Variants in CDK6 observed in about 807,000 individuals in gnomAD.
CDK6 encodes the protein cyclin dependent kinase 6.
In CDK6, 6 loss-of-function variants were observed where a neutral mutation model predicts 37.1. That is an observed-to-expected ratio of 0.16 (90% confidence interval 0.09 to 0.32). The LOEUF (loss-of-function observed/expected upper bound fraction) is 0.32, where lower values mean the gene tolerates loss of function less well. Among genes scored for constraint, CDK6 ranks in the 10% least tolerant of loss-of-function variants. CDK6 has a pLI of 1.00. For synonymous variants in CDK6, 160 were observed against 161.3 expected, an observed-to-expected ratio of 0.99 and a Z score of 0.06; for missense variants, 224 against 418.9, an observed-to-expected ratio of 0.53 and a Z score of 4.06.
intron 3 of CDK6, among the ~76,000 whole-genome samples, chr7:92,748,517 G>A (rs1458045215): frequency 6.6e-6 from 1 of 152,152 alleles, no homozygotes; most frequent in Non-Finnish European, 1.5e-5. Flanking sequence ...ATAGAATGCT[G>A]AACTGTCTAC....
At chr7:92,666,591 C>T (rs776768107) in intron 5 of CDK6, among the ~76,000 whole-genome samples, 1 of 152,116 alleles carries the variant, frequency 6.6e-6, no homozygotes, top group Non-Finnish European at 1.5e-5. Flanking sequence ...CTCATAATAA[C>T]GTTTTGGTCA....
intron 4 of CDK6, among the ~76,000 whole-genome samples, chr7:92,704,747 C>T (rs1209096511): frequency 6.6e-6 from 1 of 152,038 alleles, no homozygotes; most frequent in East Asian, 1.9e-4. Context: ...TGTATATGAA[C>T]AGTTGGGTTG....
At chr7:92,818,819 ATATTCAACAACAT>A (rs1801093309) in intron 2 of CDK6, among the ~76,000 whole-genome samples, 1 of 152,094 alleles carries the variant, frequency 6.6e-6, no homozygotes, top group Non-Finnish European at 1.5e-5. Flanking sequence ...AAATGAAAAG[ATATTCAACAACAT>A]TAGTCATCAA....
chr7:92,666,858 T>C (rs1310979202), intron 5 of CDK6, among the ~76,000 whole-genome samples: 1 of 152,234 alleles, frequency 6.6e-6, no homozygotes, highest in Non-Finnish European at 1.5e-5. Flanking sequence ...TATTATACTT[T>C]TATCATTATT....
rs146414312 is a variant in CDK6 at position 92,724,043 on chromosome 7, G to A, written c.537+1583C>T. Among the ~76,000 whole-genome samples, 1,441 of 151,758 alleles carry A rather than the reference G, an allele frequency of 9.5e-3. 12 individuals are homozygous for A. The highest frequency in any genetic ancestry group is 0.024 in the Middle Eastern group (7 of 294). ...ACAGCTTATCCTTCCTTCAATTAAC[G>A]TACCCAAGGAGACAAGTTCCTTCCA... On this transcript the variant is annotated intron_variant, in intron 4 of 7. Transcript: ENST00000424848.
chr7:92,833,464 G>C lies in CDK6; in HGVS notation c.-141C>G, dbSNP rs1801550642. 1 of 604,950 alleles carries C rather than the reference G, an allele frequency of 1.7e-6. No individual in the cohort carries two copies. The highest frequency in any genetic ancestry group is 3.4e-5 in the Admixed American group (1 of 29,210). 37.5% of individuals were successfully genotyped at this position (604,950 alleles called of 1,614,324 possible). A position where few individuals can be genotyped will look rare whatever the true frequency, so the allele number is the denominator to read the frequency against. ...TTGCTCCCCGCCGGCTCAGGCGCTC[G>C]GGCGCTGGGGCTTTCGCCGCTGCAG... On this transcript the variant is annotated 5_prime_UTR_variant, in exon 2 of 8. Transcript: ENST00000424848. The surrounding 1 kb of genome is among the most constrained non-coding windows in gnomAD (Gnocchi z 6.1).
chr7:92,766,416 G>T (rs1209623852), intron 3 of CDK6, among the ~76,000 whole-genome samples: 3 of 152,154 alleles, frequency 2.0e-5, no homozygotes, highest in African/African-American at 4.8e-5. Context: ...CAAACAACTG[G>T]CAGATAGGGA....
At chr7:92,755,610 G>A (rs1299435149) in intron 3 of CDK6, among the ~76,000 whole-genome samples, 1 of 152,194 alleles carries the variant, frequency 6.6e-6, no homozygotes, top group African/African-American at 2.4e-5. Flanking sequence ...AAACCAAGGA[G>A]GTGGCATTTG....
chr7:92,808,993 AGAT>A (rs1019263189), intron 2 of CDK6, among the ~76,000 whole-genome samples: 3 of 152,194 alleles, frequency 2.0e-5, no homozygotes, highest in Admixed American at 6.5e-5. Flanking sequence ...GCCTCTGTAA[AGAT>A]GAAAACACAT....
At chr7:92,808,714 A>C (rs1800791365) in intron 2 of CDK6, among the ~76,000 whole-genome samples, 1 of 152,208 alleles carries the variant, frequency 6.6e-6, no homozygotes, top group Admixed American at 6.5e-5. Flanking sequence ...ATTTTGAGGT[A>C]GGGTGGTTAG....
intron 3 of CDK6, among the ~76,000 whole-genome samples, chr7:92,765,615 T>C (rs1799560021): frequency 1.3e-5 from 2 of 152,128 alleles, no homozygotes; most frequent in South Asian, 4.1e-4. Flanking sequence ...CATTTCTGAG[T>C]TAATTAGAAG....
intron 4 of CDK6, among the ~76,000 whole-genome samples, chr7:92,724,704 C>A (rs1244928824): frequency 6.6e-6 from 1 of 152,034 alleles, no homozygotes; most frequent in African/African-American, 2.4e-5. Flanking sequence ...CACTTTGAGG[C>A]TAAAGATGGA....
intron 5 of CDK6, among the ~76,000 whole-genome samples, chr7:92,627,879 T>TA (rs924624067): frequency 2.0e-5 from 3 of 150,906 alleles, no homozygotes; most frequent in East Asian, 3.9e-4. Flanking sequence ...AGGAGGAGGG[T>TA]AAAAAAACTG....
intron 5 of CDK6, 70 bp downstream of exon 5, chr7:92,671,356 C>T: frequency 2.1e-6 from 2 of 955,870 alleles, no homozygotes; most frequent in Non-Finnish European, 1.5e-6. Context: ...TGCCATGCTG[C>T]CACTCAAATT....
At chr7:92,752,038 G>T (rs1214932450) in intron 3 of CDK6, among the ~76,000 whole-genome samples, 2 of 152,148 alleles carry the variant, frequency 1.3e-5, no homozygotes, top group African/African-American at 4.8e-5. Context: ...ACAGTCTAAT[G>T]GGTTGTGCAA....
At chr7:92,700,868 G>A (rs1797826392) in intron 4 of CDK6, among the ~76,000 whole-genome samples, 1 of 152,256 alleles carries the variant, frequency 6.6e-6, no homozygotes, top group Admixed American at 6.5e-5. Flanking sequence ...GCATGTACCC[G>A]AAGATGCCAA....
rs1795472351 is a variant in CDK6 at position 92,608,171 on chromosome 7, C to A, written c.*6969G>T. The A allele has an allele frequency of 4.3e-6, 1 of 232,220 alleles. No homozygotes were observed. The highest frequency in any genetic ancestry group is 5.6e-5 in the Admixed American group (1 of 17,746). 14.4% of individuals were successfully genotyped at this position (232,220 alleles called of 1,614,324 possible). A position where few individuals can be genotyped will look rare whatever the true frequency, so the allele number is the denominator to read the frequency against. The stretch of plus-strand genomic sequence containing the variant: ...GCTCTATGTGTGCTGATTAGTGCTA[C>A]AGTCATAGTTCTTGGCAGTCAATAT... On this transcript the variant is annotated 3_prime_UTR_variant, in exon 8 of 8. Transcript: ENST00000424848.
chr7:92,610,276 T>C lies in CDK6; in HGVS notation c.*4864A>G, dbSNP rs1000527798. The C allele has an allele frequency of 3.9e-5, 9 of 232,336 alleles. No individual in the cohort carries two copies. The highest frequency in any genetic ancestry group is 1.8e-4 in the African/African-American group (8 of 45,332). The allele number at this position is 232,336 out of a possible 1,614,324, so 14.4% of individuals were successfully genotyped here. A position where few individuals can be genotyped will look rare whatever the true frequency, so the allele number is the denominator to read the frequency against. ...TTATTTTCAGGTGGCTCTTGTTTTCTTCCTAAGGCTAGACAAGGTAACAAT... is the reference window on the plus strand; with the variant it reads ...TTATTTTCAGGTGGCTCTTGTTTTCCTCCTAAGGCTAGACAAGGTAACAAT... On this transcript the variant is annotated 3_prime_UTR_variant, in exon 8 of 8. Transcript: ENST00000424848.
intron 2 of CDK6, among the ~76,000 whole-genome samples, chr7:92,803,706 A>T (rs1175562599): frequency 6.6e-6 from 1 of 152,236 alleles, no homozygotes; most frequent in Non-Finnish European, 1.5e-5. Flanking sequence ...AGAAGGCATC[A>T]TATGAACTGG....
Sources: gnomAD v4.1 joint callset for allele counts (sites outside exome capture counted in the v4.1 genomes callset) on GRCh38, gnomAD v4.1.1 for gene constraint, Gnocchi (gnomAD v3.1) non-coding constraint, MANE v1.5 for transcripts, NCBI Gene and HGNC (gene_info 2026-07-23, HGNC 2026-07-21) for gene names.